Variants in PIEZO1 observed in about 807,000 individuals in gnomAD.
PIEZO1 encodes the protein piezo type mechanosensitive ion channel component 1 (Er blood group), also known as piezo-type mechanosensitive ion channel component 1.
Under a neutral mutation model 297.2 loss-of-function variants are expected in PIEZO1, and 296 were observed. The ratio of observed to expected loss-of-function variants is 1.00; its 90% CI spans 0.91 to 1.10. PIEZO1 has a LOEUF of 1.10. Ranked by LOEUF, PIEZO1 falls within the 50% of genes least tolerant of loss-of-function variation. The pLI is 0.00. For synonymous variants in PIEZO1, 2,427 were observed against 1,507.5 expected (o/e 1.61, Z -14.13); for missense variants, 5,018 against 3,455.5 (o/e 1.45, Z -11.34).
intron 22 of PIEZO1, 122 bp from the exon 23 acceptor site, chr16:88,727,783 A>C (rs1904560341): frequency 2.1e-6 from 1 of 478,596 alleles, no homozygotes; most frequent in Non-Finnish European, 3.8e-6. Flanking sequence ...CACCTCGCGC[A>C]CACCTGGTGT....
rs535588603 is a variant in PIEZO1, at chr16:88,715,504, T to G, written c.*101A>C. ...GGAGGATGCATCACAGCTGGCGGCC[T>G]TGGACGGGGCAGTGGCTCCCCCGGC... On this transcript the variant is annotated 3_prime_UTR_variant, in exon 51 of 51. Coordinates refer to ENST00000301015, the MANE Select transcript of PIEZO1 (RefSeq NM_001142864.4). 85 of 1,265,826 alleles carry G rather than the reference T, an allele frequency of 6.7e-5. No individual in the cohort carries two copies. Among genetic ancestry groups the G allele is most frequent in the Non-Finnish European group, 8.9e-5 (82 of 918,022 alleles). 78.4% of individuals were successfully genotyped at this position (1,265,826 alleles called of 1,614,324 possible). A position where few individuals can be genotyped will look rare whatever the true frequency, so the allele number is the denominator to read the frequency against.
At chr16:88,719,774 AC>A (rs1259895813) in intron 43 of PIEZO1, 27 bp downstream of exon 43, 5 of 1,548,650 alleles carry the variant, frequency 3.2e-6, no homozygotes, top group Non-Finnish European at 4.4e-6. Flanking sequence ...CCGGGCCGTG[AC>A]CCCCACCCCG....
Position 88,716,490 on chromosome 16 carries a change from G to C in PIEZO1, c.6927-7C>G. On this transcript the variant is annotated splice_polypyrimidine_tract_variant and splice_region_variant and intron_variant, in intron 47 of 50. Transcript: ENST00000301015. ...GCCTCCCTTCGCCAGGTCCCTGGGG[G>C]TGGGAACACAGCGTGACCCACTGTA... 3 of 1,545,202 alleles carry C rather than the reference G, an allele frequency of 1.9e-6. No individual in the cohort carries two copies. The highest frequency in any genetic ancestry group is 2.6e-6 in the Non-Finnish European group (3 of 1,144,034).
intron 2 of PIEZO1, chr16:88,744,373 G>A (rs1305563094): frequency 6.6e-6 from 1 of 152,100 alleles, no homozygotes; most frequent in Non-Finnish European, 1.5e-5. Context: ...AGAGGGACCT[G>A]CGGGGCCTGC....
rs1905025669 is a variant in PIEZO1 at position 88,733,693 on chromosome 16, G to A, written c.2382C>T (p.Gly794=). ...GCACGCGTGAGAGGACGTCCGAGAA[G>A]CCGGCTGCCAGCTCCAGCAGCCGCT... is the stretch of plus-strand genomic sequence containing the variant. ...VAERLLELAA[G]FSDVLSRVQV... The change falls in exon 18 of 51, where the codon GGC becomes GGT. Residue 794 remains glycine (G), a synonymous_variant. Transcript: ENST00000301015. The A allele has an allele frequency of 1.4e-5, 21 of 1,549,028 alleles. No individual in the cohort carries two copies. Among genetic ancestry groups the A allele is most frequent in the Non-Finnish European group, 1.7e-5 (20 of 1,146,336 alleles).
intron 29 of PIEZO1, among the ~76,000 whole-genome samples, 162 bp from the exon 30 acceptor site, chr16:88,725,242 G>C (rs1368066033): frequency 6.6e-6 from 1 of 152,200 alleles, no homozygotes; most frequent in Non-Finnish European, 1.5e-5. Context: ...CATGTGCGTG[G>C]ACGGACAGTC....
chr16:88,737,311 G>A, intron 10 of PIEZO1: 1 of 473,846 alleles, frequency 2.1e-6, no homozygotes, highest in Non-Finnish European at 3.8e-6. Flanking sequence ...TGGGGTCTTG[G>A]GGATCAACGA....
In PIEZO1 at chr16:88,749,564, G is replaced by A. The variant is rs546840018; in HGVS notation, c.65-85C>T. On this transcript the variant is annotated intron_variant, in intron 1 of 50. Coordinates refer to ENST00000301015, the MANE Select transcript of PIEZO1 (RefSeq NM_001142864.4). ...GGACAGCGCACCCACGGCCCAGCTC[G>A]TCACACCGCCGAGGCCGTGTGCCCT... is the stretch of plus-strand genomic sequence containing the variant. The A allele has an allele frequency of 9.2e-5, 95 of 1,032,168 alleles. No individual in the cohort carries two copies. In the African/African-American group the frequency reaches 1.1e-3, roughly 12 times the overall value. 63.9% of individuals were successfully genotyped at this position (1,032,168 alleles called of 1,614,324 possible). A position where few individuals can be genotyped will look rare whatever the true frequency, so the allele number is the denominator to read the frequency against.
intron 44 of PIEZO1, chr16:88,718,056 C>A (rs1330195182): frequency 1.6e-5 from 4 of 253,220 alleles, no homozygotes; most frequent in South Asian, 1.2e-4. Context: ...GCACTTCAGC[C>A]TGAGATCCTA....
chr16:88,738,451 G>A lies in PIEZO1; in HGVS notation c.635-11C>T. On this transcript the variant is annotated splice_polypyrimidine_tract_variant and intron_variant, in intron 6 of 50. Transcript: ENST00000301015. ...AGGGGTGGGCGATGCCTGCGGGGCA[G>A]GGGCACACAGGGTGGTACCTGGCCA... The A allele has an allele frequency of 6.5e-7, 1 of 1,534,530 alleles. No homozygotes were observed. The highest frequency in any genetic ancestry group is 8.7e-7 in the Non-Finnish European group (1 of 1,145,780).
Position 88,735,263 on chromosome 16 carries a change from G to A in PIEZO1, c.1558-17C>T. 2 of 1,517,386 alleles carry A rather than the reference G, an allele frequency of 1.3e-6. No homozygotes were observed. Among genetic ancestry groups the A allele is most frequent in the Non-Finnish European group, 1.8e-6 (2 of 1,116,876 alleles). 94.0% of individuals were successfully genotyped at this position (1,517,386 alleles called of 1,614,324 possible). A position where few individuals can be genotyped will look rare whatever the true frequency, so the allele number is the denominator to read the frequency against. On this transcript the variant is annotated splice_polypyrimidine_tract_variant and intron_variant, in intron 12 of 50. Coordinates refer to ENST00000301015, the MANE Select transcript of PIEZO1 (RefSeq NM_001142864.4). ...GTAGAGCAACTGTGACAAGCGCAGGGTGTCACAGTCAGCCGGGGGGCCCAG... is the reference window on the plus strand; with the variant it reads ...GTAGAGCAACTGTGACAAGCGCAGGATGTCACAGTCAGCCGGGGGGCCCAG...
intron 1 of PIEZO1, among the ~76,000 whole-genome samples, chr16:88,772,711 G>A (rs566378742): frequency 2.0e-5 from 3 of 150,096 alleles, no homozygotes; most frequent in East Asian, 2.0e-4. Flanking sequence ...CCTGGGAGGC[G>A]AAGGTGGCAG....
In PIEZO1 at chr16:88,716,896, C is replaced by T. The variant is rs1433138609; in HGVS notation, c.6663G>A (p.Pro2221=). The T allele has an allele frequency of 8.4e-6, 13 of 1,549,630 alleles. No individual in the cohort carries two copies. Among genetic ancestry groups the T allele is most frequent in the African/African-American group, 6.8e-5 (5 of 73,156 alleles). Residue 2221 remains proline (P), a splice_region_variant and synonymous_variant, in exon 46 of 51, where the codon CCG becomes CCA. Transcript: ENST00000301015. ...GCTGCTGGGCGCTCATGGTGAACAGCGGCTGGGGCAGGCACGGGGACACGG... is the reference window on the plus strand; with the variant it reads ...GCTGCTGGGCGCTCATGGTGAACAGTGGCTGGGGCAGGCACGGGGACACGG... ...TVTLKLGGYE[P]LFTMSAQQPS... is the part of the protein sequence containing the mutation.
chr16:88,781,083 C>T (rs562660856), intron 1 of PIEZO1, among the ~76,000 whole-genome samples: 1 of 152,236 alleles, frequency 6.6e-6, no homozygotes, highest in East Asian at 1.9e-4. Flanking sequence ...CTGCAAGATG[C>T]GGCTCTCACT....
intron 40 of PIEZO1, 42 bp from the exon 41 acceptor site, chr16:88,720,574 C>T: frequency 6.5e-7 from 1 of 1,543,086 alleles, no homozygotes; most frequent in South Asian, 1.2e-5. Context: ...TACCCGCCTC[C>T]CCACCCCCAC....
Position 88,764,751 on chromosome 16 carries a change from CA to C in PIEZO1, c.65-15273del, listed in dbSNP as rs532714692. Among the ~76,000 whole-genome samples, 245 of 90,396 alleles carry C rather than the reference CA, an allele frequency of 2.7e-3. No homozygotes were observed. The East Asian group carries it at 0.032, about 12-fold the overall frequency. The allele number at this position is 90,396 out of a possible 152,430, so 59.3% of individuals were successfully genotyped here. A position where few individuals can be genotyped will look rare whatever the true frequency, so the allele number is the denominator to read the frequency against. On this transcript the variant is annotated intron_variant, in intron 1 of 50. Coordinates refer to ENST00000301015, the MANE Select transcript of PIEZO1 (RefSeq NM_001142864.4). ...GGGCGACAAGAGTGAAACTCCGTCT[CA>C]AAAAAAAAAAAAAAAGAAAGAAAAA...
At chr16:88,729,195 C>T (rs373765303) in intron 22 of PIEZO1, among the ~76,000 whole-genome samples, 2 of 30,152 alleles carry the variant, frequency 6.6e-5, no homozygotes, top group Non-Finnish European at 1.2e-4. Flanking sequence ...CATTCTGAAC[C>T]CACAGCCCCA....
At position 88,723,958 on chromosome 16, in the gene PIEZO1, C is replaced by T; in HGVS notation, c.4248G>A (p.Gly1416=). The change falls in exon 31 of 51, where the codon GGG becomes GGA. Residue 1416 remains glycine, a synonymous_variant. Coordinates refer to ENST00000301015, the MANE Select transcript of PIEZO1 (RefSeq NM_001142864.4). The stretch of plus-strand genomic sequence containing the variant: ...TGTCGGACTCAAACAGGAAGTAGTC[C>T]CCGGAGTGGATGACTGTGGGCAGGC... ...WLDHATVIHS[G]DYFLFESDSE... 1 of 1,546,826 alleles carries T rather than the reference C, an allele frequency of 6.5e-7. No individual in the cohort carries two copies. Among genetic ancestry groups the T allele is most frequent in the Non-Finnish European group, 8.7e-7 (1 of 1,143,628 alleles).
At chr16:88,721,473 G>T (rs1230393010) in intron 38 of PIEZO1, 43 bp from the exon 39 acceptor site, 1 of 1,539,146 alleles carries the variant, frequency 6.5e-7, no homozygotes, top group Admixed American at 2.0e-5. Flanking sequence ...TGCCTCCCTG[G>T]TGGAGAGCAC....
Sources: gnomAD v4.1 joint callset for allele counts (sites outside exome capture counted in the v4.1 genomes callset) on GRCh38, gnomAD v4.1.1 for gene constraint, MANE v1.5 for transcripts, NCBI Gene and HGNC (gene_info 2026-07-23, HGNC 2026-07-21) for gene names.